The following SPOP variants were observed in gnomAD, a reference collection of about 807,000 sequenced individuals.
SPOP encodes the protein speckle type BTB/POZ protein.
In SPOP, 11 loss-of-function variants were observed where a neutral mutation model predicts 45.6. The observed-to-expected ratio is 0.24, with a 90% CI of 0.15 to 0.40. The LOEUF (loss-of-function observed/expected upper bound fraction) is 0.40. Among genes scored for constraint, SPOP ranks in the 10% least tolerant of loss-of-function variants. The pLI is 1.00. For missense variants in SPOP, 152 were observed against 465.6 expected, an observed-to-expected ratio of 0.33 and a Z score of 6.20; for synonymous variants, 166 against 166.3, an observed-to-expected ratio of 1.00 and a Z score of 0.01.
chr17:49,652,329 A>G (rs192594995), intron 1 of SPOP, among the ~76,000 whole-genome samples: 21 of 152,366 alleles, frequency 1.4e-4, no homozygotes, highest in Admixed American at 6.5e-4. Flanking sequence ...TAATCTTAAC[A>G]TTAGTAAATG....
At chr17:49,677,543 G>A (rs952779953) in intron 1 of SPOP, among the ~76,000 whole-genome samples, 1 of 152,240 alleles carries the variant, frequency 6.6e-6, no homozygotes, top group Non-Finnish European at 1.5e-5. Context: ...TATCCCGCAG[G>A]TCCCTGCAAC....
intron 6 of SPOP, among the ~76,000 whole-genome samples, chr17:49,609,079 T>G (rs780138219): frequency 6.6e-6 from 1 of 152,122 alleles, no homozygotes; most frequent in Non-Finnish European, 1.5e-5. Flanking sequence ...TGGCTAATTT[T>G]TGTATTTTTA....
intron 1 of SPOP, among the ~76,000 whole-genome samples, chr17:49,668,412 A>G (rs1345046784): frequency 6.6e-6 from 1 of 152,220 alleles, no homozygotes; most frequent in Non-Finnish European, 1.5e-5. Context: ...TATATCTCAA[A>G]AAAACATACT....
chr17:49,641,440 T>C (rs1013908126), intron 1 of SPOP, among the ~76,000 whole-genome samples: 3 of 152,002 alleles, frequency 2.0e-5, no homozygotes, highest in African/African-American at 7.3e-5. Context: ...TCTTGTCTGT[T>C]TTGCTGCTGC....
intron 1 of SPOP, among the ~76,000 whole-genome samples, chr17:49,657,696 CTT>C (rs34194099): frequency 3.8e-4 from 38 of 100,950 alleles, no homozygotes; most frequent in South Asian, 8.4e-4. Context: ...CGCACCCGGC[CTT>C]TTTTTTTTTT....
intron 5 of SPOP, among the ~76,000 whole-genome samples, chr17:49,611,956 C>T (rs1250197970): frequency 6.6e-6 from 1 of 150,664 alleles, no homozygotes; most frequent in East Asian, 1.9e-4. Context: ...GATCATGGCT[C>T]ACTGCAGCGT....
chr17:49,650,409 G>C (rs914534162), intron 1 of SPOP, among the ~76,000 whole-genome samples: 1 of 151,760 alleles, frequency 6.6e-6, no homozygotes, highest in Admixed American at 6.6e-5. Context: ...GTGAAACCCT[G>C]TCTCTACTAA....
intron 6 of SPOP, among the ~76,000 whole-genome samples, chr17:49,610,372 C>A (rs868442017): frequency 6.6e-6 from 1 of 152,140 alleles, no homozygotes; most frequent in Non-Finnish European, 1.5e-5. Flanking sequence ...GCGCATGCCA[C>A]GATGCCCAGC....
At chr17:49,678,148 G>C (rs1198254534), upstream of SPOP, 1 of 393,620 alleles carries the variant, frequency 2.5e-6, no homozygotes, top group Non-Finnish European at 4.5e-6. Flanking sequence ...ACCCCACCCC[G>C]CGCGGCCTCC....
At chr17:49,607,551 C>A (rs557441834) in intron 7 of SPOP, among the ~76,000 whole-genome samples, 179 bp from the exon 8 acceptor site, 1 of 152,284 alleles carries the variant, frequency 6.6e-6, no homozygotes, top group South Asian at 2.1e-4. Flanking sequence ...ATCACATGTT[C>A]CATCTTTGTT....
chr17:49,666,563 C>G (rs2073062780), intron 1 of SPOP, among the ~76,000 whole-genome samples: 1 of 151,914 alleles, frequency 6.6e-6, no homozygotes, highest in Non-Finnish European at 1.5e-5. Flanking sequence ...CACAGTGGCT[C>G]ATGTCTGTAA....
chr17:49,649,730 G>A (rs1018648040), intron 1 of SPOP, among the ~76,000 whole-genome samples: 1 of 151,360 alleles, frequency 6.6e-6, no homozygotes, highest in Non-Finnish European at 1.5e-5. Context: ...TCGGGAGGCT[G>A]AGGCAGGAGA....
At chr17:49,676,320 T>C (rs1043595428) in intron 1 of SPOP, among the ~76,000 whole-genome samples, 1 of 152,182 alleles carries the variant, frequency 6.6e-6, no homozygotes, top group African/African-American at 2.4e-5. Flanking sequence ...CCCAGGAAGA[T>C]ATATGCACCC....
chr17:49,634,083 T>C (rs1342394115), intron 1 of SPOP, among the ~76,000 whole-genome samples: 1 of 149,910 alleles, frequency 6.7e-6, no homozygotes, highest in Admixed American at 6.6e-5. Flanking sequence ...CACTGGGAAA[T>C]ACCTGAAATG....
At chr17:49,669,395 A>G (rs1314820698) in intron 1 of SPOP, among the ~76,000 whole-genome samples, 2 of 151,064 alleles carry the variant, frequency 1.3e-5, no homozygotes, top group Non-Finnish European at 2.9e-5. Context: ...AAAAAATTAA[A>G]GAAACACCCA....
At chr17:49,645,662 C>T in intron 1 of SPOP, among the ~76,000 whole-genome samples, 1 of 152,064 alleles carries the variant, frequency 6.6e-6, no homozygotes, top group East Asian at 1.9e-4. Context: ...GACCATAAAT[C>T]CTTATACTTT....
At chr17:49,608,019 C>A (rs1055285915) in intron 6 of SPOP, 90 bp from the exon 7 acceptor site, 5 of 1,165,326 alleles carry the variant, frequency 4.3e-6, no homozygotes, top group Non-Finnish European at 5.0e-6. Flanking sequence ...CATTTTCTAA[C>A]CTATCCTACT....
At chr17:49,673,830 A>G (rs367689201) in intron 1 of SPOP, among the ~76,000 whole-genome samples, 1 of 152,058 alleles carries the variant, frequency 6.6e-6, no homozygotes, top group Non-Finnish European at 1.5e-5. Context: ...TCCTATATTC[A>G]GTAGGTGTGG....
intron 1 of SPOP, among the ~76,000 whole-genome samples, chr17:49,665,401 T>A (rs1026629078): frequency 6.6e-6 from 1 of 151,110 alleles, no homozygotes; most frequent in Non-Finnish European, 1.5e-5. Context: ...GATCATGAGG[T>A]CAGGAGATCA....
Sources: gnomAD v4.1 joint callset for allele counts (sites outside exome capture counted in the v4.1 genomes callset) on GRCh38, gnomAD v4.1.1 for gene constraint, MANE v1.5 for transcripts, NCBI Gene and HGNC (gene_info 2026-07-23, HGNC 2026-07-21) for gene names.